RBFOX3: variants seen among roughly 807,000 people sequenced by gnomAD.
RBFOX3 encodes the protein RNA binding fox-1 homolog 3, also known as RNA binding protein fox-1 homolog 3.
In RBFOX3, 17 loss-of-function variants were observed where a neutral mutation model predicts 48.7. The observed-to-expected ratio is 0.35, with a 90% CI of 0.24 to 0.52. RBFOX3 has a LOEUF of 0.52. Among genes scored for constraint, RBFOX3 ranks in the 20% least tolerant of loss-of-function variants. The probability of loss-of-function intolerance (pLI) is 0.94; values close to 1 mark genes in which losing one functional copy is unlikely to be tolerated. For synonymous variants in RBFOX3, 212 were observed against 209.5 expected, an observed-to-expected ratio of 1.01 and a Z score of -0.10; for missense variants, 382 against 497.5, an observed-to-expected ratio of 0.77 and a Z score of 2.21.
intron 2 of RBFOX3, among the ~76,000 whole-genome samples, chr17:79,429,207 G>A (rs1438480582): frequency 2.6e-5 from 4 of 152,266 alleles, no homozygotes; most frequent in African/African-American, 9.6e-5. Context: ...CCAGCACAGA[G>A]CTGGGCGAGA....
intron 1 of RBFOX3, among the ~76,000 whole-genome samples, chr17:79,502,257 C>A (rs782082024): frequency 0.22 from 33,929 of 152,108 alleles, 4,090 homozygotes; most frequent in Non-Finnish European, 0.27. Flanking sequence ...ATGAAATAAG[C>A]CAGACACAAA....
At chr17:79,538,980 A>G (rs377421373) in intron 1 of RBFOX3, among the ~76,000 whole-genome samples, 16 of 152,284 alleles carry the variant, frequency 1.1e-4, no homozygotes, top group African/African-American at 3.9e-4. Flanking sequence ...AAACACACGA[A>G]AAATACTCCA....
At chr17:79,533,468 G>T (rs2088179438) in intron 1 of RBFOX3, among the ~76,000 whole-genome samples, 1 of 152,254 alleles carries the variant, frequency 6.6e-6, no homozygotes, top group South Asian at 2.1e-4. Context: ...GTCAGGGAGG[G>T]GCCTCCAGGT....
the RBFOX3 span, among the ~76,000 whole-genome samples, chr17:79,634,310 C>T: frequency 5.9e-5 from 9 of 152,336 alleles, no homozygotes; most frequent in Non-Finnish European, 1.2e-4. Flanking sequence ...GGGGCACCTC[C>T]CCTCGTCTAC....
intron 2 of RBFOX3, among the ~76,000 whole-genome samples, chr17:79,396,595 G>T (rs1156283516): frequency 3.9e-5 from 6 of 152,134 alleles, no homozygotes; most frequent in Non-Finnish European, 8.8e-5. Context: ...TCTCTAAGTG[G>T]GAGGGCATCC....
In RBFOX3 at chr17:79,305,889, C is replaced by T. The variant is rs1229036590; in HGVS notation, c.-74+1835G>A. On this transcript the variant is annotated intron_variant, in intron 3 of 14. Transcript: ENST00000693108. The stretch of plus-strand genomic sequence containing the variant: ...GAGAGTGCATAACCTGGCTAACCAT[C>T]CAGGGCTGACCTGCCGTAGCCTCTA... 5.9e-5 allele frequency among the ~76,000 whole-genome samples: 9 copies of T among 152,346 alleles called. No homozygotes were observed. In the South Asian group the frequency reaches 1.4e-3, roughly 25 times the overall value.
intron 2 of RBFOX3, among the ~76,000 whole-genome samples, chr17:79,370,406 G>A (rs943496134): frequency 2.0e-5 from 3 of 152,180 alleles, no homozygotes; most frequent in African/African-American, 7.2e-5. Flanking sequence ...GGACACATCC[G>A]ACCATGCTCA....
At chr17:79,505,137 G>A (rs2082909859) in intron 1 of RBFOX3, among the ~76,000 whole-genome samples, 1 of 152,262 alleles carries the variant, frequency 6.6e-6, no homozygotes, top group East Asian at 1.9e-4. Flanking sequence ...CTGCTTAAGT[G>A]GAACAGTGGG....
chr17:79,333,071 G>A (rs988354150), intron 2 of RBFOX3, among the ~76,000 whole-genome samples: 2 of 150,814 alleles, frequency 1.3e-5, no homozygotes, highest in Non-Finnish European at 3.0e-5. Flanking sequence ...AAAGGGGAGG[G>A]AGAGAGACAA....
chr17:79,107,083 G>A (rs571438995), intron 5 of RBFOX3, among the ~76,000 whole-genome samples: 7 of 152,278 alleles, frequency 4.6e-5, no homozygotes, highest in Non-Finnish European at 8.8e-5. Context: ...TCTGTTCCCC[G>A]CTCCCGCAGC....
At chr17:79,467,515 T>C (rs2076471058) in intron 2 of RBFOX3, among the ~76,000 whole-genome samples, 1 of 152,210 alleles carries the variant, frequency 6.6e-6, no homozygotes. Context: ...CGGGGGCATG[T>C]CCCAGCTGTG....
rs141673812 is a variant in RBFOX3, at chr17:79,216,724, G to A, written c.-34+19042C>T. Among the ~76,000 whole-genome samples, 36 of 152,246 alleles carry A rather than the reference G, an allele frequency of 2.4e-4. No homozygotes were observed. In the East Asian group the frequency reaches 6.4e-3, roughly 27 times the overall value. ...GCAAATATCCCTGTCCTGCTTGACC[G>A]GGCACAGAACACGCAAACAGTAATT... On this transcript the variant is annotated intron_variant, in intron 4 of 14. Coordinates refer to ENST00000693108, the MANE Select transcript of RBFOX3 (RefSeq NM_001350451.2).
At chr17:79,555,655 GTGGTGGTGA>G (rs1479200671) in intron 1 of RBFOX3, among the ~76,000 whole-genome samples, 2 of 18,926 alleles carry the variant, frequency 1.1e-4, no homozygotes, top group African/African-American at 2.7e-4. Flanking sequence ...GGTGGTGGTG[GTGGTGGTGA>G]TGGTGATGAT....
At chr17:79,206,991 T>C (rs2057594647) in intron 4 of RBFOX3, among the ~76,000 whole-genome samples, 1 of 152,182 alleles carries the variant, frequency 6.6e-6, no homozygotes, top group Admixed American at 6.5e-5. Flanking sequence ...TGCAAGCCCT[T>C]GTCTCAAACT....
chr17:79,502,099 G>A (rs1225344071), intron 1 of RBFOX3, among the ~76,000 whole-genome samples: 1 of 151,810 alleles, frequency 6.6e-6, no homozygotes, highest in Non-Finnish European at 1.5e-5. Flanking sequence ...CTTGATATAA[G>A]CCTCAATGTG....
At chr17:79,169,408 C>T (rs1303180360) in intron 4 of RBFOX3, among the ~76,000 whole-genome samples, 1 of 152,128 alleles carries the variant, frequency 6.6e-6, no homozygotes, top group Non-Finnish European at 1.5e-5. Context: ...CTCCTTCACC[C>T]ACTGCGGGCA....
At chr17:79,123,065 G>C (rs569267406) in intron 4 of RBFOX3, among the ~76,000 whole-genome samples, 1 of 152,116 alleles carries the variant, frequency 6.6e-6, no homozygotes, top group Non-Finnish European at 1.5e-5. Flanking sequence ...GGAAAGACGA[G>C]GGGGGTGTGG....
intron 2 of RBFOX3, among the ~76,000 whole-genome samples, chr17:79,338,410 A>G (rs750849289): frequency 6.6e-6 from 1 of 152,082 alleles, no homozygotes; most frequent in South Asian, 2.1e-4. Flanking sequence ...CAACCCTTCT[A>G]TGACTGTAGT....
At chr17:79,357,044 G>A (rs2085286004) in intron 2 of RBFOX3, among the ~76,000 whole-genome samples, 3 of 152,302 alleles carry the variant, frequency 2.0e-5, no homozygotes, top group South Asian at 4.1e-4. Flanking sequence ...CTGGGGAGCC[G>A]GTGCCCTCCA....
Sources: allele counts gnomAD v4.1 joint callset (sites outside exome capture counted in the v4.1 genomes callset), GRCh38; gene constraint gnomAD v4.1.1; transcripts MANE v1.5; gene names NCBI Gene and HGNC (gene_info 2026-07-23, HGNC 2026-07-21).